Variants in CABLES2 observed in about 807,000 individuals in gnomAD.
The protein encoded by CABLES2 is CDK5 and ABL1 enzyme substrate 2.
Under a neutral mutation model 44.8 loss-of-function variants are expected in CABLES2, and 35 were observed. That is an observed-to-expected ratio of 0.78 (90% CI 0.60 to 1.04). The LOEUF (loss-of-function observed/expected upper bound fraction) is 1.04. CABLES2 is among the 50% of genes least tolerant of loss of function. CABLES2 has a pLI of 0.00. For missense variants in CABLES2, 566 were observed against 615.7 expected, an observed-to-expected ratio of 0.92 and a Z score of 0.85; for synonymous variants, 282 against 281.1, an observed-to-expected ratio of 1.00 and a Z score of -0.03.
chr20:62,391,932 C>T lies in CABLES2; in HGVS notation c.1091+457G>A, dbSNP rs900846981. Among the ~76,000 whole-genome samples the T allele has an allele frequency of 2.6e-5, 4 of 152,078 alleles. No individual in the cohort carries two copies. The highest frequency in any genetic ancestry group is 9.7e-5 in the African/African-American group (4 of 41,410). ...GTTCCGCCGCCTTCTGCTCGCTTTC[C>T]TCCGGTCATGGGTCATCAGCGTGGC... On this transcript the variant is annotated intron_variant, in intron 8 of 9. Transcript: ENST00000279101. The surrounding 1 kb of genome is among the most constrained non-coding windows in gnomAD (Gnocchi z 5.7).
chr20:62,406,855 G>A (rs1988302618), intron 1 of CABLES2, 60 bp downstream of exon 1: 1 of 987,582 alleles, frequency 1.0e-6, no homozygotes, highest in Non-Finnish European at 1.3e-6. Context: ...GGCTGATCCG[G>A]CCCCCGTCCC....
In CABLES2 at chr20:62,396,878, C is replaced by T. The variant is rs765426486; in HGVS notation, c.363-286G>A. Among the ~76,000 whole-genome samples the T allele has an allele frequency of 2.9e-4, 44 of 152,222 alleles. No individual in the cohort carries two copies. The highest frequency in any genetic ancestry group is 1.0e-3 in the African/African-American group (42 of 41,550). ...GGATAGCACAGCACAGCACAGCACG[C>T]CAACCTGCCCTGCCCACCGAGGGTC... On this transcript the variant is annotated intron_variant, in intron 1 of 9. Coordinates refer to ENST00000279101, the MANE Select transcript of CABLES2 (RefSeq NM_031215.3). The surrounding 1 kb of genome is among the most constrained non-coding windows in gnomAD (Gnocchi z 5.7).
In CABLES2 at chr20:62,398,158, C is replaced by T. The variant is rs1200342226; in HGVS notation, c.363-1566G>A. ...GTGGTGATGGTGGTGGTGGTGGTGACGGTGATGGTGGTAATGGTGGTGGTG... is the reference window on the plus strand; with the variant it reads ...GTGGTGATGGTGGTGGTGGTGGTGATGGTGATGGTGGTAATGGTGGTGGTG... On this transcript the variant is annotated intron_variant, in intron 1 of 9. Coordinates refer to ENST00000279101, the MANE Select transcript of CABLES2 (RefSeq NM_031215.3). Among the ~76,000 whole-genome samples, 110 of 26,794 alleles carry T rather than the reference C, an allele frequency of 4.1e-3. 1 individual carries two copies. The highest frequency in any genetic ancestry group is 0.018 in the African/African-American group (61 of 3,308). 17.6% of individuals were successfully genotyped at this position (26,794 alleles called of 152,430 possible). A position where few individuals can be genotyped will look rare whatever the true frequency, so the allele number is the denominator to read the frequency against.
rs1169956607 is a variant in CABLES2, at chr20:62,398,106, ATGG to A, written c.363-1517_363-1515del. Reference sequence around the variant, plus strand: ...GGTGGTGACGGTGGTGGTGGTGGTGATGGTGGTGGTGGTGGTGGTTATGACGGT... The same window carrying A: ...GGTGGTGACGGTGGTGGTGGTGGTGATGGTGGTGGTGGTGGTTATGACGGT... On this transcript the variant is annotated intron_variant, in intron 1 of 9. Coordinates refer to ENST00000279101, the MANE Select transcript of CABLES2 (RefSeq NM_031215.3). Among the ~76,000 whole-genome samples, 141 of 48,786 alleles carry A rather than the reference ATGG, an allele frequency of 2.9e-3. 6 individuals carry two copies. In the East Asian group the frequency reaches 0.051, roughly 18 times the overall value. 32.0% of individuals were successfully genotyped at this position (48,786 alleles called of 152,430 possible).
In CABLES2 at chr20:62,390,418, G is replaced by A. The variant is rs1350257485; in HGVS notation, c.*553C>T. On this transcript the variant is annotated 3_prime_UTR_variant, in exon 10 of 10. Transcript: ENST00000279101. The stretch of plus-strand genomic sequence containing the variant: ...GGCGGAGAAAGCTCTGGAGGAGCTC[G>A]GCTTCAGGTGGCAGGGAGCCAGCGG... 2 of 154,876 alleles carry A rather than the reference G, an allele frequency of 1.3e-5. No individual in the cohort carries two copies. Among genetic ancestry groups the A allele is most frequent in the African/African-American group, 2.4e-5 (1 of 41,466 alleles). The allele number at this position is 154,876 out of a possible 1,614,324, so 9.6% of individuals were successfully genotyped here.
At chr20:62,406,306 C>A (rs368531441) in intron 1 of CABLES2, among the ~76,000 whole-genome samples, 1 of 151,900 alleles carries the variant, frequency 6.6e-6, no homozygotes, top group South Asian at 2.1e-4. Flanking sequence ...CGGTGTGGCC[C>A]GGTTCAAAGA....
At chr20:62,394,408 A>G in intron 4 of CABLES2, 143 bp from the exon 5 acceptor site, 1 of 647,906 alleles carries the variant, frequency 1.5e-6, no homozygotes, top group Non-Finnish European at 2.7e-6. Context: ...CACTGGTGTG[A>G]CCAGGAAGGC....
chr20:62,400,309 C>G (rs984255536), intron 1 of CABLES2, among the ~76,000 whole-genome samples: 1 of 152,152 alleles, frequency 6.6e-6, no homozygotes, highest in African/African-American at 2.4e-5. Context: ...GGGTAGGCAG[C>G]AGGCTCTGAG....
intron 1 of CABLES2, among the ~76,000 whole-genome samples, chr20:62,400,940 G>A (rs986529352): frequency 6.6e-6 from 1 of 152,176 alleles, no homozygotes; most frequent in African/African-American, 2.4e-5. Context: ...TAGTAAACTA[G>A]ATCTGCACAG....
At position 62,407,147 on chromosome 20, in the gene CABLES2, G is replaced by A. The variant is rs1439003863; in HGVS notation, c.130C>T (p.Arg44Cys). Residue 44 changes from arginine (R) to cysteine (C), a missense_variant, in exon 1 of 10, where the codon CGC becomes TGC. By Grantham distance (180) the Arg-to-Cys change is radical. Around this residue, in one of 2 missense-constraint regions of CABLES2, gnomAD observed 130 missense variants for 79.4 expected, o/e 1.64. Coordinates refer to ENST00000279101, the MANE Select transcript of CABLES2 (RefSeq NM_031215.3). ...AGGAAGAAAAGCGCGGCCTGGCGGCGCCGCGAGTCCCCGCGCCTCCGCAGC... is the reference window on the plus strand; with the variant it reads ...AGGAAGAAAAGCGCGGCCTGGCGGCACCGCGAGTCCCCGCGCCTCCGCAGC... ...QALRRRGDSR[R>C]RQAALFFLNN... is the part of the protein sequence containing the mutation. 13 of 1,017,668 alleles carry A rather than the reference G, an allele frequency of 1.3e-5. No individual in the cohort carries two copies. The highest frequency in any genetic ancestry group is 1.5e-5 in the Non-Finnish European group (13 of 850,154). The allele number at this position is 1,017,668 out of a possible 1,614,324, so 63.0% of individuals were successfully genotyped here. A position where few individuals can be genotyped will look rare whatever the true frequency, so the allele number is the denominator to read the frequency against.
At chr20:62,398,077 T>TGGTGGTGGTGATGGTGGTGGTGGTGAC (rs1988082598) in intron 1 of CABLES2, among the ~76,000 whole-genome samples, 1 of 33,056 alleles carries the variant, frequency 3.0e-5, no homozygotes, top group African/African-American at 1.3e-4. Flanking sequence ...GTGACGGTGG[T>TGGTGGTGGTGATGGTGGTGGTGGTGAC]GGTGGTGGTG....
intron 1 of CABLES2, among the ~76,000 whole-genome samples, chr20:62,399,527 G>A (rs371766803): frequency 5.3e-5 from 8 of 149,726 alleles, no homozygotes; most frequent in Admixed American, 2.0e-4. Flanking sequence ...GATTACAGGC[G>A]TGAGCCACCA....
Position 62,390,639 on chromosome 20 carries a change from T to A in CABLES2, c.*332A>T, listed in dbSNP as rs1360595840. The A allele has an allele frequency of 2.9e-6, 1 of 341,698 alleles. No individual in the cohort carries two copies. 21.2% of individuals were successfully genotyped at this position (341,698 alleles called of 1,614,324 possible). ...GGGAGACACACTGCAGCCGGCTCGCTGCTGCACGCTGTGAACAAAAGGTCC... is the reference window on the plus strand; with the variant it reads ...GGGAGACACACTGCAGCCGGCTCGCAGCTGCACGCTGTGAACAAAAGGTCC... On this transcript the variant is annotated 3_prime_UTR_variant, in exon 10 of 10. Transcript: ENST00000279101.
chr20:62,396,233 A>T lies in CABLES2; in HGVS notation c.527+82T>A. 1 of 1,182,138 alleles carries T rather than the reference A, an allele frequency of 8.5e-7. No individual in the cohort carries two copies. The highest frequency in any genetic ancestry group is 1.5e-5 in the African/African-American group (1 of 66,358). The allele number at this position is 1,182,138 out of a possible 1,614,324, so 73.2% of individuals were successfully genotyped here. A position where few individuals can be genotyped will look rare whatever the true frequency, so the allele number is the denominator to read the frequency against. On this transcript the variant is annotated intron_variant, in intron 3 of 9. Transcript: ENST00000279101. The surrounding 1 kb of genome is among the most constrained non-coding windows in gnomAD (Gnocchi z 5.7). ...GGCGGGAGCTTTGGGAGTGGAGGGA[A>T]GATTGCTTGGCTGACAGGGGCAGGA... is the stretch of plus-strand genomic sequence containing the variant.
At chr20:62,392,785 T>C (rs1220164956) in intron 7 of CABLES2, 135 bp downstream of exon 7, 3 of 800,936 alleles carry the variant, frequency 3.7e-6, no homozygotes, top group African/African-American at 1.7e-5. Flanking sequence ...ACACCGCCAC[T>C]GTCTGTGCTG....
chr20:62,397,911 A>G (rs891999378), intron 1 of CABLES2, among the ~76,000 whole-genome samples: 63 of 62,598 alleles, frequency 1.0e-3, no homozygotes, highest in East Asian at 9.9e-3. Context: ...GGTGATGGTG[A>G]TGGCAGTGGT....
intron 1 of CABLES2, among the ~76,000 whole-genome samples, chr20:62,398,056 C>CGGT (rs1381507759): frequency 9.8e-5 from 5 of 51,172 alleles, no homozygotes; most frequent in East Asian, 9.4e-4. Context: ...GTGGTGATGG[C>CGGT]GATGGTGGTG....
chr20:62,402,036 C>A (rs912015677), intron 1 of CABLES2, among the ~76,000 whole-genome samples: 1 of 123,946 alleles, frequency 8.1e-6, no homozygotes, highest in African/African-American at 3.6e-5. Flanking sequence ...CGTAGAGTTA[C>A]ACTGGCGGTG....
At chr20:62,398,013 G>GCGATGGTGGTGGTGACGGTGGTGGTGA (rs1988070493) in intron 1 of CABLES2, among the ~76,000 whole-genome samples, 1 of 111,548 alleles carries the variant, frequency 9.0e-6, no homozygotes, top group African/African-American at 4.2e-5. Context: ...GATGGTTATG[G>GCGATGGTGGTGGTGACGGTGGTGGTGA]CGGTGGTGGT....
Sources: allele counts gnomAD v4.1 joint callset (sites outside exome capture counted in the v4.1 genomes callset), GRCh38; gene constraint gnomAD v4.1.1; regional missense constraint gnomAD v4.1.1; non-coding constraint Gnocchi (gnomAD v3.1); transcripts MANE v1.5; gene names NCBI Gene and HGNC (gene_info 2026-07-23, HGNC 2026-07-21).